The following MAGI1 variants were observed in gnomAD, a reference collection of about 807,000 sequenced individuals.
MAGI1 encodes membrane-associated guanylate kinase, WW and PDZ domain-containing protein 1.
MAGI1 carries 58 observed loss-of-function variants against 139.9 expected under a neutral mutation model. That is an observed-to-expected ratio of 0.41 (90% CI 0.34 to 0.52). The LOEUF (loss-of-function observed/expected upper bound fraction) is 0.52, where lower values mean the gene tolerates loss of function less well. Among genes scored for constraint, MAGI1 ranks in the 20% least tolerant of loss-of-function variants. MAGI1 has a pLI of 0.12. For missense variants in MAGI1, 1,874 were observed against 1,901.6 expected (o/e 0.99, Z 0.27); for synonymous variants, 812 against 737.9 (o/e 1.10, Z -1.63).
At chr3:65,399,150 C>A (rs1349220001) in intron 13 of MAGI1, among the ~76,000 whole-genome samples, 3 of 152,146 alleles carry the variant, frequency 2.0e-5, no homozygotes, top group African/African-American at 4.8e-5. Flanking sequence ...AGAGCTATTG[C>A]CAAATCTAAG....
At chr3:65,705,701 C>T (rs1449230791) in intron 1 of MAGI1, among the ~76,000 whole-genome samples, 1 of 152,084 alleles carries the variant, frequency 6.6e-6, no homozygotes, top group East Asian at 1.9e-4. Flanking sequence ...TTAATGTGTC[C>T]CATTCCAAAG....
chr3:65,435,628 C>T (rs1007105614), intron 10 of MAGI1, among the ~76,000 whole-genome samples: 2 of 152,122 alleles, frequency 1.3e-5, no homozygotes, highest in African/African-American at 4.8e-5. Flanking sequence ...AGTCTCTTGC[C>T]TCCATGGGAT....
At chr3:65,391,031 T>C in intron 14 of MAGI1, 111 bp downstream of exon 14, 1 of 926,978 alleles carries the variant, frequency 1.1e-6, no homozygotes, top group Non-Finnish European at 1.7e-6. Context: ...CTTGCGGATT[T>C]CACTTTACCC....
chr3:65,825,177 G>A (rs1332149849), intron 1 of MAGI1, among the ~76,000 whole-genome samples: 5 of 152,142 alleles, frequency 3.3e-5, no homozygotes, highest in Non-Finnish European at 1.5e-5. Context: ...ACTAATTTAA[G>A]CATGAAAAGA....
At chr3:65,979,092 C>CCA (rs1553742262) in intron 1 of MAGI1, among the ~76,000 whole-genome samples, 2 of 52,296 alleles carry the variant, frequency 3.8e-5, no homozygotes, top group African/African-American at 1.0e-4. Flanking sequence ...TTTTCTTCCC[C>CCA]CCCCCCGCCA....
intron 2 of MAGI1, among the ~76,000 whole-genome samples, chr3:65,496,008 G>C (rs1952408256): frequency 6.6e-6 from 1 of 152,076 alleles, no homozygotes; most frequent in Non-Finnish European, 1.5e-5. Flanking sequence ...CCTTAGAATG[G>C]TTTTGAGCAA....
chr3:65,551,941 A>G (rs1424753793), intron 2 of MAGI1, among the ~76,000 whole-genome samples: 5 of 152,246 alleles, frequency 3.3e-5, no homozygotes, highest in Admixed American at 6.5e-5. Context: ...GGCTCATCAG[A>G]GGACTAGATA....
At chr3:65,789,452 G>A (rs1418093787) in intron 1 of MAGI1, among the ~76,000 whole-genome samples, 1 of 152,162 alleles carries the variant, frequency 6.6e-6, no homozygotes, top group African/African-American at 2.4e-5. Flanking sequence ...TCCAGGACAA[G>A]GAACATTTTG....
chr3:65,695,171 A>G (rs946150694), intron 1 of MAGI1, among the ~76,000 whole-genome samples: 1 of 152,224 alleles, frequency 6.6e-6, no homozygotes, highest in African/African-American at 2.4e-5. Context: ...CCGATAAGGT[A>G]GAAAAAAGAG....
rs572999930 is a variant in MAGI1, at chr3:66,025,983, C to T, written c.313+12013G>A. Among the ~76,000 whole-genome samples the T allele has an allele frequency of 9.9e-5, 15 of 151,472 alleles. No individual in the cohort carries two copies. The South Asian group carries it at 2.1e-3, about 21-fold the overall frequency. On this transcript the variant is annotated intron_variant, in intron 1 of 22. Transcript: ENST00000402939. ...TTAGAAACCAAAATCTAGATGCCTA[C>T]GCTTTTTATAAAATAAAATGTTAAA...
chr3:65,599,777 C>T (rs536966767), intron 2 of MAGI1, among the ~76,000 whole-genome samples: 2 of 152,272 alleles, frequency 1.3e-5, no homozygotes, highest in South Asian at 4.1e-4. Flanking sequence ...GAACAGCTCC[C>T]AGGGCTTCAA....
intron 5 of MAGI1, among the ~76,000 whole-genome samples, chr3:65,456,859 T>C (rs955175962): frequency 6.6e-6 from 1 of 152,220 alleles, no homozygotes; most frequent in African/African-American, 2.4e-5. Flanking sequence ...TATCTCTGGT[T>C]CTGCCTTCTG....
chr3:65,833,676 TTG>T (rs2042652177), intron 1 of MAGI1, among the ~76,000 whole-genome samples: 1 of 152,242 alleles, frequency 6.6e-6, no homozygotes, highest in African/African-American at 2.4e-5. Context: ...GAGATTTTTG[TTG>T]TGTTATTACA....
chr3:65,787,768 A>G (rs947919447), intron 1 of MAGI1, among the ~76,000 whole-genome samples: 1 of 152,058 alleles, frequency 6.6e-6, no homozygotes, highest in Non-Finnish European at 1.5e-5. Context: ...TGGATATGAT[A>G]ACACCGCTGA....
At chr3:65,904,112 C>T (rs931903483) in intron 1 of MAGI1, among the ~76,000 whole-genome samples, 3 of 152,166 alleles carry the variant, frequency 2.0e-5, no homozygotes, top group Non-Finnish European at 4.4e-5. Context: ...AGGAAGCTGT[C>T]AAGATTGTGC....
chr3:65,779,194 T>G (rs533447171), intron 1 of MAGI1, among the ~76,000 whole-genome samples: 1 of 152,322 alleles, frequency 6.6e-6, no homozygotes, highest in East Asian at 1.9e-4. Flanking sequence ...TCTTCACTAT[T>G]AAGTTTACGC....
intron 3 of MAGI1, among the ~76,000 whole-genome samples, chr3:65,480,059 T>C (rs1951161901): frequency 6.6e-6 from 1 of 150,620 alleles, no homozygotes; most frequent in African/African-American, 2.4e-5. Flanking sequence ...AATTTGTAAA[T>C]AATAATAAAT....
chr3:65,419,108 T>C (rs1233376783), intron 12 of MAGI1, among the ~76,000 whole-genome samples: 2 of 152,188 alleles, frequency 1.3e-5, no homozygotes, highest in Non-Finnish European at 2.9e-5. Context: ...CTTCCTGCTC[T>C]TTCCCTCAGT....
chr3:66,021,951 T>A (rs1318927500), intron 1 of MAGI1, among the ~76,000 whole-genome samples: 2 of 152,220 alleles, frequency 1.3e-5, no homozygotes, highest in Admixed American at 1.3e-4. Context: ...GTGCCTGCAA[T>A]CTGTTAGCAG....
Sources: gnomAD v4.1 joint callset for allele counts (sites outside exome capture counted in the v4.1 genomes callset) on GRCh38, gnomAD v4.1.1 for gene constraint, MANE v1.5 for transcripts, NCBI Gene and HGNC (gene_info 2026-07-23, HGNC 2026-07-21) for gene names.